Variants in ADAMTS1 observed in about 807,000 individuals in gnomAD.
ADAMTS1 encodes A disintegrin and metalloproteinase with thrombospondin motifs 1.
In ADAMTS1, 19 loss-of-function variants were observed where a neutral mutation model predicts 87.9. The observed-to-expected ratio is 0.22, with a 90% CI of 0.15 to 0.32. The LOEUF (loss-of-function observed/expected upper bound fraction) is 0.32. Ranked by LOEUF, ADAMTS1 falls within the 10% of genes least tolerant of loss-of-function variation. ADAMTS1 has a pLI of 1.00. For missense variants in ADAMTS1, 1,240 were observed against 1,259.1 expected (o/e 0.98, Z 0.23); for synonymous variants, 542 against 501.8 (o/e 1.08, Z -1.07).
chr21:26,842,952 CCA>C (rs1309823717), intron 1 of ADAMTS1: 12 of 473,588 alleles, frequency 2.5e-5, no homozygotes, highest in Non-Finnish European at 3.0e-5. Context: ...CTTTGAAATC[CCA>C]CAGTCTGAAC....
chr21:26,844,636 G>A lies in ADAMTS1; in HGVS notation c.319C>T (p.Arg107Cys). ...APGFTLQNVG[R>C]KSGSETPLPE... ...AGCGGCGTCTCGGACCCGGATTTGC[G>A]CCCCACGTTCTGGAGCGTGAAGCCG... Residue 107 changes from arginine to cysteine, a missense_variant, in exon 1 of 9, where the codon CGC becomes TGC. Arg to Cys is a radical substitution (Grantham distance 180). Coordinates refer to ENST00000284984, the MANE Select transcript of ADAMTS1 (RefSeq NM_006988.5). The A allele has an allele frequency of 6.2e-7, 1 of 1,606,336 alleles. No individual in the cohort carries two copies. Among genetic ancestry groups the A allele is most frequent in the Non-Finnish European group, 8.5e-7 (1 of 1,176,726 alleles).
At position 26,839,643 on chromosome 21, in the gene ADAMTS1, A is replaced by G; in HGVS notation, c.1972T>C (p.Cys658Arg). The G allele has an allele frequency of 6.2e-7, 1 of 1,613,220 alleles. No homozygotes were observed. Among genetic ancestry groups the G allele is most frequent in the Non-Finnish European group, 8.5e-7 (1 of 1,179,238 alleles). The change falls in exon 7 of 9, where the codon TGC (cysteine) becomes CGC (arginine). Residue 658 changes from cysteine to arginine, a missense_variant. Cys to Arg is a radical substitution (Grantham distance 180). Transcript: ENST00000284984. Reference sequence around the variant, plus strand: ...CCTTTGGCTTGGCAGATGAGCTTGCACCTGTCCTTTGGTGAGACGCCAGCG... The same window carrying G: ...CCTTTGGCTTGGCAGATGAGCTTGCGCCTGTCCTTTGGTGAGACGCCAGCG... ...KYAGVSPKDR[C>R]KLICQAKGIG...
chr21:26,842,315 C>A, intron 2 of ADAMTS1, 24 bp downstream of exon 2: 1 of 1,604,640 alleles, frequency 6.2e-7, no homozygotes, highest in South Asian at 1.1e-5. Flanking sequence ...GACAGTCTCA[C>A]AGCTGGTACC....
In ADAMTS1 at chr21:26,835,978, G is replaced by C. The variant is rs958167508; in HGVS notation, c.*1601C>G. 1.3e-5 allele frequency: 2 copies of C among 152,194 alleles called. No homozygotes were observed. The highest frequency in any genetic ancestry group is 2.9e-5 in the Non-Finnish European group (2 of 68,036). 9.4% of individuals were successfully genotyped at this position (152,194 alleles called of 1,614,324 possible). On this transcript the variant is annotated 3_prime_UTR_variant, in exon 9 of 9. Transcript: ENST00000284984. ...GATAGTTATTGACAGGATTGACAAAGTTGCAAATATTTACCATTTGGCTTT... is the reference window on the plus strand; with the variant it reads ...GATAGTTATTGACAGGATTGACAAACTTGCAAATATTTACCATTTGGCTTT...
In ADAMTS1 at chr21:26,837,003, C is replaced by A. The variant is rs892039724; in HGVS notation, c.*576G>T. 3.9e-5 allele frequency: 6 copies of A among 152,272 alleles called. No homozygotes were observed. Among genetic ancestry groups the A allele is most frequent in the Admixed American group, 3.3e-4 (5 of 15,292 alleles). The allele number at this position is 152,272 out of a possible 1,614,324, so 9.4% of individuals were successfully genotyped here. The stretch of plus-strand genomic sequence containing the variant: ...ATTTGCGTTATTTCACGTTGCTGAG[C>A]CTTTCTCTCATGTTGAACAATCTGA... On this transcript the variant is annotated 3_prime_UTR_variant, in exon 9 of 9. Transcript: ENST00000284984.
Position 26,841,031 on chromosome 21 carries a change from A to T in ADAMTS1, c.1345T>A (p.Tyr449Asn), listed in dbSNP as rs781343596. 1.2e-6 allele frequency: 2 copies of T among 1,614,234 alleles called. No homozygotes were observed. The change falls in exon 4 of 9, where the codon TAC becomes AAC. Residue 449 changes from tyrosine to asparagine, a missense_variant. This residue lies in a region of ADAMTS1 where 317 missense variants were observed against 410.3 expected (regional missense o/e 0.77). Coordinates refer to ENST00000284984, the MANE Select transcript of ADAMTS1 (RefSeq NM_006988.5). ...TTATCCAGAAATGATGTAATCATGT[A>T]GGCACTGCAAGGAGACCAAGGCTGG... ...HSQPWSPCSAYMITSFLDNGH... is the reference protein window; with the variant it reads ...HSQPWSPCSANMITSFLDNGH...
chr21:26,843,434 C>T (rs1985536953), intron 1 of ADAMTS1: 1 of 465,530 alleles, frequency 2.1e-6, no homozygotes, highest in South Asian at 1.6e-5. Context: ...TAAAAAATGA[C>T]ACGCGAGAGA....
At position 26,840,487 on chromosome 21, in the gene ADAMTS1, T is replaced by C. The variant is rs1176736377; in HGVS notation, c.1454A>G (p.Asn485Ser). The change falls in exon 5 of 9, where the codon AAC (asparagine) becomes AGC (serine). Residue 485 changes from asparagine to serine, a missense_variant. By Grantham distance (46) the Asn-to-Ser change is conservative (BLOSUM62 1). Coordinates refer to ENST00000284984, the MANE Select transcript of ADAMTS1 (RefSeq NM_006988.5). ...GDLPGTSYDA[N>S]RQCQFTFGED... ...CCCAAATGTAAACTGGCACTGCCGGTTGGCATCGTACGAGGTGCCAGGGAG... is the reference window on the plus strand; with the variant it reads ...CCCAAATGTAAACTGGCACTGCCGGCTGGCATCGTACGAGGTGCCAGGGAG... The C allele has an allele frequency of 2.5e-6, 4 of 1,614,224 alleles. No homozygotes were observed. The highest frequency in any genetic ancestry group is 3.3e-5 in the Admixed American group (2 of 60,030).
rs901350973 is a variant in ADAMTS1 at position 26,835,769 on chromosome 21, A to T, written c.*1810T>A. On this transcript the variant is annotated 3_prime_UTR_variant, in exon 9 of 9. Coordinates refer to ENST00000284984, the MANE Select transcript of ADAMTS1 (RefSeq NM_006988.5). Reference sequence around the variant, plus strand: ...GCATCCAGAACTGAAAGCTCTTTCCATTTAATTTATGGTATATACCAGGGT... The same window carrying T: ...GCATCCAGAACTGAAAGCTCTTTCCTTTTAATTTATGGTATATACCAGGGT... 2 of 149,316 alleles carry T rather than the reference A, an allele frequency of 1.3e-5. No individual in the cohort carries two copies. The highest frequency in any genetic ancestry group is 1.3e-4 in the Admixed American group (2 of 14,828). The allele number at this position is 149,316 out of a possible 1,614,324, so 9.2% of individuals were successfully genotyped here.
intron 7 of ADAMTS1, 115 bp from the exon 8 acceptor site, chr21:26,838,729 C>T (rs1601921850): frequency 1.0e-6 from 1 of 996,806 alleles, no homozygotes; most frequent in Non-Finnish European, 1.4e-6. Flanking sequence ...AACACAGTAC[C>T]CTCTACACAT....
chr21:26,844,373 G>C lies in ADAMTS1; in HGVS notation c.582C>G (p.Val194=). The change falls in exon 1 of 9, where the codon GTC becomes GTG. Residue 194 remains valine (V), a synonymous_variant. Transcript: ENST00000284984. ...CGTCCACGACCCCGCACGTGCCGCC[G>C]ACGTCGCCCTGCCGATTCCGCCGCA... ...HLLRRNRQGD[V]GGTCGVVDDE... The C allele has an allele frequency of 6.3e-7, 1 of 1,591,100 alleles. No individual in the cohort carries two copies. Among genetic ancestry groups the C allele is most frequent in the Non-Finnish European group, 8.5e-7 (1 of 1,171,942 alleles).
chr21:26,838,355 T>A, intron 8 of ADAMTS1, 77 bp from the exon 9 acceptor site: 1 of 1,579,040 alleles, frequency 6.3e-7, no homozygotes, highest in Non-Finnish European at 8.6e-7. Context: ...CACATTAATC[T>A]TTTATGAGAC....
At chr21:26,841,361 C>A in intron 3 of ADAMTS1, 196 bp from the exon 4 acceptor site, 1 of 527,154 alleles carries the variant, frequency 1.9e-6, no homozygotes, top group Non-Finnish European at 3.3e-6. Flanking sequence ...CACCTGTAAT[C>A]CCAGCTACTG....
Position 26,840,992 on chromosome 21 carries a change from T to G in ADAMTS1, c.1378+6A>C. 6.2e-7 allele frequency: 1 copy of G among 1,611,878 alleles called. No homozygotes were observed. The highest frequency in any genetic ancestry group is 8.5e-7 in the Non-Finnish European group (1 of 1,178,134). ...CCATCTAGAGAGAGTAGCTGGAATA[T>G]CTCACCATGACCATTATCCAGAAAT... is the stretch of plus-strand genomic sequence containing the variant. On this transcript the variant is annotated splice_donor_region_variant and intron_variant, in intron 4 of 8. Coordinates refer to ENST00000284984, the MANE Select transcript of ADAMTS1 (RefSeq NM_006988.5).
Position 26,842,521 on chromosome 21 carries a change from G to A in ADAMTS1, c.895C>T (p.Arg299Cys). 2 of 1,614,156 alleles carry A rather than the reference G, an allele frequency of 1.2e-6. No individual in the cohort carries two copies. The highest frequency in any genetic ancestry group is 1.7e-6 in the Non-Finnish European group (2 of 1,180,038). ...AARLYKHPSI[R>C]NSVSLVVVKI... ...ACCACCACCAGGCTAACTGAATTAC[G>A]AATGCTGGGGTGTTTGTACAATCTG... Residue 299 changes from arginine to cysteine, a missense_variant, in exon 2 of 9, where the codon CGT (arginine) becomes TGT (cysteine). Around this residue, in one of 3 missense-constraint regions of ADAMTS1, gnomAD observed 521 missense variants for 449.7 expected, o/e 1.16. Transcript: ENST00000284984.
intron 5 of ADAMTS1, 105 bp downstream of exon 5, chr21:26,840,171 C>A: frequency 6.4e-7 from 1 of 1,551,632 alleles, no homozygotes. Flanking sequence ...AGCTATCTCG[C>A]ATTCCTGCTA....
Position 26,839,914 on chromosome 21 carries a change from A to G in ADAMTS1, c.1813T>C (p.Tyr605His). The change falls in exon 6 of 9, where the codon TAC becomes CAC. Residue 605 changes from tyrosine (Y) to histidine (H), a missense_variant. Physicochemically the swap from Tyr to His is moderately conservative, Grantham distance 83. Transcript: ENST00000284984. ...CAGTCCTCAAGGTTACAGGATCTGTAGCGCACTCGTTTGCCTTCACAGTAC... is the reference window on the plus strand; with the variant it reads ...CAGTCCTCAAGGTTACAGGATCTGTGGCGCACTCGTTTGCCTTCACAGTAC... ...GKYCEGKRVRYRSCNLEDCPD... is the reference protein window; with the variant it reads ...GKYCEGKRVRHRSCNLEDCPD... The G allele has an allele frequency of 6.2e-7, 1 of 1,614,062 alleles. No homozygotes were observed. Among genetic ancestry groups the G allele is most frequent in the East Asian group, 2.2e-5 (1 of 44,868 alleles).
intron 1 of ADAMTS1, chr21:26,843,859 C>A: frequency 2.2e-6 from 1 of 458,778 alleles, no homozygotes. Context: ...GCACAAAAGG[C>A]GCACACAAAA....
rs745503739 is a variant in ADAMTS1 at position 26,841,026 on chromosome 21, C to T, written c.1350G>A (p.Met450Ile). 1 of 1,614,204 alleles carries T rather than the reference C, an allele frequency of 6.2e-7. No individual in the cohort carries two copies. Among genetic ancestry groups the T allele is most frequent in the African/African-American group, 1.3e-5 (1 of 75,056 alleles). ...GACCATTATCCAGAAATGATGTAAT[C>T]ATGTAGGCACTGCAAGGAGACCAAG... ...SQPWSPCSAY[M>I]ITSFLDNGHG... is the part of the protein sequence containing the mutation. The change falls in exon 4 of 9, where the codon ATG becomes ATA. Residue 450 changes from methionine (M) to isoleucine (I), a missense_variant. Transcript: ENST00000284984.
Sources: gnomAD v4.1 joint callset for allele counts on GRCh38, gnomAD v4.1.1 for gene constraint, gnomAD v4.1.1 regional missense constraint, MANE v1.5 for transcripts, NCBI Gene and HGNC (gene_info 2026-07-23, HGNC 2026-07-21) for gene names.